WFDC11: variants seen among roughly 807,000 people sequenced by gnomAD.
WFDC11 encodes WAP four-disulfide core domain 11.
Under a neutral mutation model 9.9 loss-of-function variants are expected in WFDC11, and 9 were observed. That is an observed-to-expected ratio of 0.91 (90% CI 0.55 to 1.58). The LOEUF (loss-of-function observed/expected upper bound fraction) is 1.58, where lower values mean the gene tolerates loss of function less well. Among genes scored for constraint, WFDC11 ranks in the 40% most tolerant of loss-of-function variants. The pLI, the probability that WFDC11 is intolerant of heterozygous loss-of-function variation, is 0.00. For missense variants in WFDC11, 106 were observed against 101.7 expected (o/e 1.04, Z -0.18); for synonymous variants, 32 against 33.3 (o/e 0.96, Z 0.13).
At chr20:45,656,748 C>T (rs959442210) in intron 2 of WFDC11, among the ~76,000 whole-genome samples, 1 of 152,040 alleles carries the variant, frequency 6.6e-6, no homozygotes, top group African/African-American at 2.4e-5. Context: ...AAGAAAAAAC[C>T]AAACCCATCA....
chr20:45,658,275 A>T lies in WFDC11; in HGVS notation c.-51-7624T>A, dbSNP rs1982978661. 2.0e-5 allele frequency among the ~76,000 whole-genome samples: 3 copies of T among 152,184 alleles called. No individual in the cohort carries two copies. In the South Asian group the frequency reaches 6.2e-4, roughly 31 times the overall value. On this transcript the variant is annotated intron_variant, in intron 2 of 4. Coordinates refer to ENST00000324384, the MANE Select transcript of WFDC11 (RefSeq NM_147197.2). ...TAACAAATTTTTAAGTTTGCAATAC[A>T]GTATTGCTAACTAAGGGCACTATGC...
rs773085924 is a variant in WFDC11 at position 45,649,300 on chromosome 20, G to A, written c.200C>T (p.Thr67Ile). ...GTTTCCACAATAGGTCCAGCAGCAT[G>A]TGTAATTTTTGTCTTTACATCTAAA... The part of the protein sequence containing the change: ...KAFRCKDKNY[T>I]CCWTYCGNIC... Residue 67 changes from threonine to isoleucine, a missense_variant, in exon 4 of 5, where the codon ACA (threonine) becomes ATA (isoleucine). Thr to Ile is a moderately conservative substitution (Grantham distance 89). Coordinates refer to ENST00000324384, the MANE Select transcript of WFDC11 (RefSeq NM_147197.2). The A allele has an allele frequency of 3.2e-5, 52 of 1,614,000 alleles. No homozygotes were observed. The highest frequency in any genetic ancestry group is 4.2e-5 in the Non-Finnish European group (49 of 1,180,036).
Position 45,669,050 on chromosome 20 carries a change from C to T in WFDC11, c.-134+1128G>A, listed in dbSNP as rs369810929. Among the ~76,000 whole-genome samples, 16 of 152,226 alleles carry T rather than the reference C, an allele frequency of 1.1e-4. 1 individual carries two copies. In the East Asian group the frequency reaches 1.7e-3, roughly 17 times the overall value. On this transcript the variant is annotated intron_variant, in intron 1 of 4. Coordinates refer to ENST00000324384, the MANE Select transcript of WFDC11 (RefSeq NM_147197.2). ...TGTCAGACCATTTCCTTCATCTTGA[C>T]CCTGATATAGACATTCAGAGGATTC...
chr20:45,658,221 G>A (rs1461898729), intron 2 of WFDC11, among the ~76,000 whole-genome samples: 4 of 152,084 alleles, frequency 2.6e-5, no homozygotes, highest in Admixed American at 6.6e-5. Context: ...GTGTGTGTGT[G>A]TGTGCAATAA....
Position 45,650,515 on chromosome 20 carries a change from T to C in WFDC11, c.86A>G (p.Lys29Arg). The C allele has an allele frequency of 3.1e-6, 5 of 1,614,044 alleles. No individual in the cohort carries two copies. Among genetic ancestry groups the C allele is most frequent in the Non-Finnish European group, 3.4e-6 (4 of 1,179,962 alleles). The change falls in exon 3 of 5, where the codon AAG (lysine) becomes AGG (arginine). Residue 29 changes from lysine (K) to arginine (R), a missense_variant. Lys to Arg is a conservative substitution (Grantham distance 26). Coordinates refer to ENST00000324384, the MANE Select transcript of WFDC11 (RefSeq NM_147197.2). The part of the protein sequence containing the change: ...VLLSVLGEMR[K>R]KRYDRKELLL... ...TCACCACCTACTGTCATATCTTTTCTTCCTCATTTCTCCCAGCACAGACAG... is the reference window on the plus strand; with the variant it reads ...TCACCACCTACTGTCATATCTTTTCCTCCTCATTTCTCCCAGCACAGACAG...
chr20:45,653,030 T>G (rs1296597845), intron 2 of WFDC11, among the ~76,000 whole-genome samples: 1 of 152,164 alleles, frequency 6.6e-6, no homozygotes, highest in Non-Finnish European at 1.5e-5. Flanking sequence ...CCAGGAGAAC[T>G]TCCCCAATCT....
intron 1 of WFDC11, 125 bp from the exon 2 acceptor site, chr20:45,667,294 C>G (rs1312973049): frequency 6.6e-6 from 1 of 152,186 alleles, no homozygotes; most frequent in Non-Finnish European, 1.5e-5. Context: ...AACATTGTCC[C>G]TGAATTCCTA....
intron 2 of WFDC11, among the ~76,000 whole-genome samples, chr20:45,655,390 T>C (rs1330944476): frequency 1.3e-5 from 2 of 152,220 alleles, no homozygotes; most frequent in Admixed American, 1.3e-4. Flanking sequence ...CAACCCTTCA[T>C]GCTAGAAACT....
chr20:45,650,047 A>G (rs1332295626), intron 3 of WFDC11, among the ~76,000 whole-genome samples: 1 of 152,182 alleles, frequency 6.6e-6, no homozygotes, highest in Non-Finnish European at 1.5e-5. Context: ...AACTAAGGGT[A>G]TGTATTAAGA....
chr20:45,649,073 G>T (rs1272041262), intron 4 of WFDC11, among the ~76,000 whole-genome samples, 184 bp downstream of exon 4: 1 of 152,082 alleles, frequency 6.6e-6, no homozygotes, highest in African/African-American at 2.4e-5. Context: ...AAACAATGGG[G>T]TCTAAGCTGG....
chr20:45,656,671 T>C (rs539690734), intron 2 of WFDC11, among the ~76,000 whole-genome samples: 3 of 151,908 alleles, frequency 2.0e-5, no homozygotes, highest in African/African-American at 7.2e-5. Context: ...GGGAGAAAAT[T>C]TTTGCAATCT....
intron 2 of WFDC11, among the ~76,000 whole-genome samples, chr20:45,658,653 G>A (rs962227545): frequency 6.6e-6 from 1 of 151,796 alleles, no homozygotes; most frequent in African/African-American, 2.4e-5. Flanking sequence ...CAAAGAACCA[G>A]CTTTTTGTTT....
At chr20:45,658,734 T>A (rs1245780947) in intron 2 of WFDC11, among the ~76,000 whole-genome samples, 2 of 152,218 alleles carry the variant, frequency 1.3e-5, no homozygotes, top group Non-Finnish European at 2.9e-5. Context: ...TTTCTTTTTT[T>A]ATCACACTTT....
chr20:45,665,966 G>A (rs898147275), intron 2 of WFDC11, among the ~76,000 whole-genome samples: 2 of 152,206 alleles, frequency 1.3e-5, no homozygotes, highest in Admixed American at 6.5e-5. Context: ...GCTGTCAGAC[G>A]GGGACGTTTA....
At chr20:45,648,856 G>T (rs759807814) in intron 4 of WFDC11, 117 bp from the exon 5 acceptor site, 3 of 1,107,516 alleles carry the variant, frequency 2.7e-6, no homozygotes, top group South Asian at 2.7e-5. Context: ...ATACTTTAAC[G>T]TAACAACAGG....
chr20:45,648,574 A>G lies in WFDC11; in HGVS notation c.*145T>C, dbSNP rs1166580928. The G allele has an allele frequency of 2.4e-6, 2 of 835,208 alleles. No homozygotes were observed. Among genetic ancestry groups the G allele is most frequent in the Non-Finnish European group, 3.8e-6 (2 of 530,102 alleles). 51.7% of individuals were successfully genotyped at this position (835,208 alleles called of 1,614,324 possible). On this transcript the variant is annotated 3_prime_UTR_variant, in exon 5 of 5. Coordinates refer to ENST00000324384, the MANE Select transcript of WFDC11 (RefSeq NM_147197.2). ...AAAGGCAAGGCCACTACTGGTAAATAAGTTTATTTGTCAAGTGTTTGCTGT... is the reference window on the plus strand; with the variant it reads ...AAAGGCAAGGCCACTACTGGTAAATGAGTTTATTTGTCAAGTGTTTGCTGT...
chr20:45,657,106 T>G (rs1982950564), intron 2 of WFDC11, among the ~76,000 whole-genome samples: 1 of 152,164 alleles, frequency 6.6e-6, no homozygotes, highest in Non-Finnish European at 1.5e-5. Flanking sequence ...GGATTATAAA[T>G]CATGCTGCTA....
intron 2 of WFDC11, among the ~76,000 whole-genome samples, chr20:45,658,601 C>T (rs911310050): frequency 2.0e-5 from 3 of 151,922 alleles, no homozygotes; most frequent in East Asian, 1.9e-4. Context: ...CTTATTTTCT[C>T]GGTTAATCTT....
intron 2 of WFDC11, among the ~76,000 whole-genome samples, chr20:45,652,283 G>A (rs187572155): frequency 6.6e-5 from 10 of 152,274 alleles, no homozygotes; most frequent in Non-Finnish European, 4.4e-5. Flanking sequence ...ACCAATCTCC[G>A]CTGTTGTGCA....
Sources: gnomAD v4.1 joint callset for allele counts (sites outside exome capture counted in the v4.1 genomes callset) on GRCh38, gnomAD v4.1.1 for gene constraint, MANE v1.5 for transcripts, NCBI Gene and HGNC (gene_info 2026-07-23, HGNC 2026-07-21) for gene names.